Variants in EPHA7 observed in about 807,000 individuals in gnomAD.
The protein encoded by EPHA7 is EPH receptor A7, also known as ephrin type-A receptor 7.
EPHA7 carries 25 observed loss-of-function variants against 112.6 expected under a neutral mutation model. That is an observed-to-expected ratio of 0.22 (90% CI 0.16 to 0.31). The LOEUF (loss-of-function observed/expected upper bound fraction) is 0.31, where lower values mean the gene tolerates loss of function less well. EPHA7 is among the 10% of genes least tolerant of loss of function. EPHA7 has a pLI of 1.00. For missense variants in EPHA7, 962 were observed against 1,212.6 expected (o/e 0.79, Z 3.07); for synonymous variants, 437 against 406.5 (o/e 1.07, Z -0.90).
intron 16 of EPHA7, 58 bp downstream of exon 16, chr6:93,245,240 T>C: frequency 6.9e-7 from 1 of 1,457,572 alleles, no homozygotes; most frequent in Non-Finnish European, 9.4e-7. Context: ...ACCTAATGTA[T>C]AAAGTGTAGA....
At chr6:93,359,878 T>TAGAC (rs1554185714) in intron 3 of EPHA7, among the ~76,000 whole-genome samples, 12 of 89,528 alleles carry the variant, frequency 1.3e-4, no homozygotes, top group Non-Finnish European at 2.5e-4. Context: ...GAGAGAGAGA[T>TAGAC]AGATAGATAG....
At chr6:93,336,653 G>A (rs879839277) in intron 5 of EPHA7, among the ~76,000 whole-genome samples, 4 of 151,816 alleles carry the variant, frequency 2.6e-5, no homozygotes, top group Non-Finnish European at 5.9e-5. Context: ...TGCCCGCCTT[G>A]GCCTCCCAAA....
intron 7 of EPHA7, among the ~76,000 whole-genome samples, chr6:93,266,867 A>T (rs1352587263): frequency 1.3e-5 from 2 of 151,800 alleles, no homozygotes; most frequent in East Asian, 2.0e-4. Flanking sequence ...GTGCCTCCTT[A>T]ATTCTTAGCA....
Position 93,271,528 on chromosome 6 carries a change from G to T in EPHA7, c.1449+770C>A, listed in dbSNP as rs1324620451. ...TTCCACGTTTCAAACCTTGCACTGA[G>T]TCTGTCTGTGAGGTGGGGTTTTAAA... On this transcript the variant is annotated intron_variant, in intron 6 of 16. Coordinates refer to ENST00000369303, the MANE Select transcript of EPHA7 (RefSeq NM_004440.4). Among the ~76,000 whole-genome samples, 3 of 151,876 alleles carry T rather than the reference G, an allele frequency of 2.0e-5. No homozygotes were observed. In the East Asian group the frequency reaches 5.8e-4, roughly 29 times the overall value.
chr6:93,302,792 C>A (rs1397107737), intron 5 of EPHA7, among the ~76,000 whole-genome samples: 1 of 151,028 alleles, frequency 6.6e-6, no homozygotes, highest in Non-Finnish European at 1.5e-5. Flanking sequence ...TGAGGACAAA[C>A]TGGAACAGCA....
At chr6:93,371,585 A>C (rs1776800405) in intron 3 of EPHA7, among the ~76,000 whole-genome samples, 1 of 152,204 alleles carries the variant, frequency 6.6e-6, no homozygotes. Context: ...AATCTGAAAG[A>C]ATTTAGAAAT....
At chr6:93,417,855 G>A (rs892374907) in intron 1 of EPHA7, among the ~76,000 whole-genome samples, 1 of 152,100 alleles carries the variant, frequency 6.6e-6, no homozygotes, top group Non-Finnish European at 1.5e-5. Flanking sequence ...GGTTGCAGAT[G>A]TGGAAAGTGG....
rs762069360 is a variant in EPHA7, at chr6:93,254,668, A to G, written c.2511T>C (p.Tyr837=). 4 of 1,612,710 alleles carry G rather than the reference A, an allele frequency of 2.5e-6. No homozygotes were observed. The highest frequency in any genetic ancestry group is 4.5e-5 in the East Asian group (2 of 44,844). Residue 837 remains tyrosine (Y), a synonymous_variant, in exon 14 of 17, where the codon TAT becomes TAC. Transcript: ENST00000369303. ...CTACATCTTGATTTGACATGTCCCA[A>G]TAAGGTCTTTCTCCATAAGACATAA... The part of the protein sequence containing the change: ...WEVMSYGERP[Y]WDMSNQDVIK...
At chr6:93,284,854 G>C (rs1764806806) in intron 5 of EPHA7, among the ~76,000 whole-genome samples, 2 of 151,840 alleles carry the variant, frequency 1.3e-5, no homozygotes, top group African/African-American at 4.8e-5. Context: ...TGGGGGGTGG[G>C]GGGCTAGGGG....
At position 93,242,458 on chromosome 6, in the gene EPHA7, C is replaced by A. The variant is rs768851772; in HGVS notation, c.*968G>T. 3.6e-5 allele frequency: 7 copies of A among 195,000 alleles called. No individual in the cohort carries two copies. Among genetic ancestry groups the A allele is most frequent in the African/African-American group, 1.6e-4 (7 of 43,244 alleles). The allele number at this position is 195,000 out of a possible 1,614,324, so 12.1% of individuals were successfully genotyped here. A position where few individuals can be genotyped will look rare whatever the true frequency, so the allele number is the denominator to read the frequency against. Reference sequence around the variant, plus strand: ...ATTTATCCTAAATTTCCTAATGTCACGAGAATGAAAAAATCTTGATGTGCT... The same window carrying A: ...ATTTATCCTAAATTTCCTAATGTCAAGAGAATGAAAAAATCTTGATGTGCT... On this transcript the variant is annotated 3_prime_UTR_variant, in exon 17 of 17. Transcript: ENST00000369303.
At chr6:93,275,028 A>C (rs754554997) in intron 5 of EPHA7, among the ~76,000 whole-genome samples, 1 of 151,958 alleles carries the variant, frequency 6.6e-6, no homozygotes, top group Non-Finnish European at 1.5e-5. Flanking sequence ...TTATTGTAAC[A>C]ATCTCACTAA....
At chr6:93,255,183 A>C (rs1467966537) in intron 13 of EPHA7, among the ~76,000 whole-genome samples, 1 of 103,698 alleles carries the variant, frequency 9.6e-6, no homozygotes, top group Non-Finnish European at 2.1e-5. Flanking sequence ...GTCTCTACTA[A>C]AAATACAAAA....
At chr6:93,359,874 G>GAGAGAGATAGAT (rs1462833873) in intron 3 of EPHA7, among the ~76,000 whole-genome samples, 101 of 127,926 alleles carry the variant, frequency 7.9e-4, no homozygotes, top group Non-Finnish European at 1.1e-3. Flanking sequence ...GAGAGAGAGA[G>GAGAGAGATAGAT]AGATAGATAG....
chr6:93,374,872 A>G (rs1311112262), intron 3 of EPHA7, among the ~76,000 whole-genome samples: 1 of 152,246 alleles, frequency 6.6e-6, no homozygotes, highest in Non-Finnish European at 1.5e-5. Flanking sequence ...TAATTTACAC[A>G]TATCAGTTAA....
rs902797049 is a variant in EPHA7 at position 93,410,034 on chromosome 6, A to T, written c.832+467T>A. On this transcript the variant is annotated intron_variant, in intron 3 of 16. Coordinates refer to ENST00000369303, the MANE Select transcript of EPHA7 (RefSeq NM_004440.4). The surrounding 1 kb of genome is among the most constrained non-coding windows in gnomAD (Gnocchi z 4.0). Reference sequence around the variant, plus strand: ...GATAATTCTAAAAGTTTGTAAATATATTCGTTTATGCCCTGCCTGTCACTA... The same window carrying T: ...GATAATTCTAAAAGTTTGTAAATATTTTCGTTTATGCCCTGCCTGTCACTA... 2.6e-5 allele frequency: 4 copies of T among 153,282 alleles called. No individual in the cohort carries two copies. Among genetic ancestry groups the T allele is most frequent in the African/African-American group, 9.7e-5 (4 of 41,426 alleles). The allele number at this position is 153,282 out of a possible 1,614,324, so 9.5% of individuals were successfully genotyped here. A position where few individuals can be genotyped will look rare whatever the true frequency, so the allele number is the denominator to read the frequency against.
intron 5 of EPHA7, among the ~76,000 whole-genome samples, chr6:93,304,194 G>T (rs534281649): frequency 6.6e-6 from 1 of 151,634 alleles, no homozygotes; most frequent in Non-Finnish European, 1.5e-5. Context: ...TATACTTGTA[G>T]TATACATTGA....
chr6:93,261,832 A>C (rs1333191572), intron 9 of EPHA7, among the ~76,000 whole-genome samples: 1 of 151,536 alleles, frequency 6.6e-6, no homozygotes, highest in East Asian at 1.9e-4. Flanking sequence ...CTGGATGTGA[A>C]ATGTGAAAAA....
At chr6:93,340,881 T>C (rs1452048965) in intron 5 of EPHA7, among the ~76,000 whole-genome samples, 1 of 151,966 alleles carries the variant, frequency 6.6e-6, no homozygotes, top group Non-Finnish European at 1.5e-5. Flanking sequence ...TTGGTTTTTA[T>C]AGTGGAACAC....
intron 3 of EPHA7, among the ~76,000 whole-genome samples, chr6:93,405,834 T>G (rs1778690369): frequency 8.3e-6 from 1 of 120,486 alleles, no homozygotes; most frequent in African/African-American, 2.8e-5. Flanking sequence ...TATATATATA[T>G]ATATATATAT....
Sources: gnomAD v4.1 joint callset for allele counts (sites outside exome capture counted in the v4.1 genomes callset) on GRCh38, gnomAD v4.1.1 for gene constraint, Gnocchi (gnomAD v3.1) non-coding constraint, MANE v1.5 for transcripts, NCBI Gene and HGNC (gene_info 2026-07-23, HGNC 2026-07-21) for gene names.